SLC25A13: variants seen among roughly 807,000 people sequenced by gnomAD.
SLC25A13 encodes the protein electrogenic aspartate/glutamate antiporter SLC25A13, mitochondrial.
SLC25A13 carries 70 observed loss-of-function variants against 85.5 expected under a neutral mutation model. That is an observed-to-expected ratio of 0.82 (90% CI 0.68 to 1.00). The LOEUF is 1.00. Ranked by LOEUF, SLC25A13 falls within the 50% of genes least tolerant of loss-of-function variation. SLC25A13 has a pLI of 0.00. For synonymous variants in SLC25A13, 259 were observed against 288.7 expected (o/e 0.90, Z 1.04); for missense variants, 765 against 819.8 (o/e 0.93, Z 0.82).
At chr7:96,188,409 A>C (rs1200350209) in intron 9 of SLC25A13, among the ~76,000 whole-genome samples, 2 of 152,208 alleles carry the variant, frequency 1.3e-5, no homozygotes, top group Non-Finnish European at 2.9e-5. Context: ...AAGGTCTGAC[A>C]GTCCTAAAAG....
At chr7:96,265,341 A>G (rs1798009091) in intron 3 of SLC25A13, among the ~76,000 whole-genome samples, 2 of 152,212 alleles carry the variant, frequency 1.3e-5, no homozygotes, top group Non-Finnish European at 2.9e-5. Context: ...ACATTCATTA[A>G]CATCACCACC....
chr7:96,279,777 G>A (rs1236244881), intron 2 of SLC25A13, among the ~76,000 whole-genome samples: 1 of 152,092 alleles, frequency 6.6e-6, no homozygotes, highest in East Asian at 1.9e-4. Flanking sequence ...TTAAGTTTTA[G>A]TACATTAGTA....
At chr7:96,239,761 T>TA (rs1222467415) in intron 3 of SLC25A13, among the ~76,000 whole-genome samples, 2 of 152,234 alleles carry the variant, frequency 1.3e-5, no homozygotes, top group Non-Finnish European at 2.9e-5. Flanking sequence ...TTCATGGTTC[T>TA]GATGCTACTA....
At chr7:96,155,146 T>C (rs376997094) in intron 13 of SLC25A13, among the ~76,000 whole-genome samples, 1 of 152,124 alleles carries the variant, frequency 6.6e-6, no homozygotes, top group Non-Finnish European at 1.5e-5. Flanking sequence ...CTTTTTCTCT[T>C]TATTGAGAGT....
rs1468590679 is a variant in SLC25A13, at chr7:96,191,212, G to T, written c.651C>A (p.Phe217Leu). The change falls in exon 7 of 18, where the codon TTC becomes TTA. Residue 217 changes from phenylalanine (F) to leucine (L), a missense_variant. Coordinates refer to ENST00000265631, the MANE Select transcript of SLC25A13 (RefSeq NM_014251.3). ...GCGAATTAAATCCATTAAAATAGGA[G>T]AAACTAACTTGATGGGATGTGGTAC... ...AGGTTSHQVS[F>L]SYFNGFNSLL... The T allele has an allele frequency of 6.2e-7, 1 of 1,613,994 alleles. No homozygotes were observed. Among genetic ancestry groups the T allele is most frequent in the Admixed American group, 1.7e-5 (1 of 60,026 alleles).
At chr7:96,247,990 G>A (rs1310571186) in intron 3 of SLC25A13, among the ~76,000 whole-genome samples, 1 of 150,436 alleles carries the variant, frequency 6.6e-6, no homozygotes, top group African/African-American at 2.4e-5. Context: ...AGTAGCCGCT[G>A]TCTCAAATAC....
At chr7:96,282,553 G>A (rs1798729532) in intron 2 of SLC25A13, among the ~76,000 whole-genome samples, 1 of 152,164 alleles carries the variant, frequency 6.6e-6, no homozygotes, top group Non-Finnish European at 1.5e-5. Flanking sequence ...TTTGCATCTG[G>A]ATTGGGTATT....
chr7:96,225,484 G>A (rs1416387295), intron 4 of SLC25A13, among the ~76,000 whole-genome samples: 1 of 151,542 alleles, frequency 6.6e-6, no homozygotes, highest in Non-Finnish European at 1.5e-5. Context: ...TGTTGAGGCT[G>A]CAGTGAACCC....
chr7:96,291,789 G>A (rs1799129532), intron 2 of SLC25A13, among the ~76,000 whole-genome samples: 1 of 152,100 alleles, frequency 6.6e-6, no homozygotes, highest in Non-Finnish European at 1.5e-5. Context: ...ATAATTAATA[G>A]CCTACCAACC....
At position 96,244,434 on chromosome 7, in the gene SLC25A13, G is replaced by A. The variant is rs559727594; in HGVS notation, c.213-9517C>T. Reference sequence around the variant, plus strand: ...TTGTTTCTAATCTGATCTGAAAAGAGACAATGAGTGATTACCCAATCTTCT... The same window carrying A: ...TTGTTTCTAATCTGATCTGAAAAGAAACAATGAGTGATTACCCAATCTTCT... On this transcript the variant is annotated intron_variant, in intron 3 of 17. Coordinates refer to ENST00000265631, the MANE Select transcript of SLC25A13 (RefSeq NM_014251.3). 2.9e-4 allele frequency among the ~76,000 whole-genome samples: 44 copies of A among 152,316 alleles called. No homozygotes were observed. In the South Asian group the frequency reaches 8.9e-3, roughly 31 times the overall value.
chr7:96,182,589 C>A, intron 11 of SLC25A13, among the ~76,000 whole-genome samples: 1 of 152,194 alleles, frequency 6.6e-6, no homozygotes, highest in Admixed American at 6.5e-5. Context: ...GATAAAAGAA[C>A]TGAAACGGCA....
chr7:96,250,581 T>C (rs983478012), intron 3 of SLC25A13, among the ~76,000 whole-genome samples: 5 of 152,122 alleles, frequency 3.3e-5, no homozygotes, highest in African/African-American at 9.7e-5. Flanking sequence ...GAGAATCTAA[T>C]CCTATATATA....
At chr7:96,197,119 T>C (rs1489401246) in intron 5 of SLC25A13, among the ~76,000 whole-genome samples, 1 of 152,138 alleles carries the variant, frequency 6.6e-6, no homozygotes. Flanking sequence ...CTACCCATGC[T>C]CCTAATACTT....
At chr7:96,256,308 C>A (rs2116880821) in intron 3 of SLC25A13, among the ~76,000 whole-genome samples, 1 of 152,182 alleles carries the variant, frequency 6.6e-6, no homozygotes, top group East Asian at 1.9e-4. Flanking sequence ...CGTCGGTGTG[C>A]TATATTCAGG....
chr7:96,128,938 T>TGCTTGCTC (rs1491341244), intron 15 of SLC25A13, among the ~76,000 whole-genome samples: 934 of 31,352 alleles, frequency 0.03, 13 homozygotes, highest in African/African-American at 0.085. Flanking sequence ...CTGCCTTGCT[T>TGCTTGCTC]GCTCTCTCTC....
chr7:96,267,421 T>C (rs1322960028), intron 3 of SLC25A13, among the ~76,000 whole-genome samples: 1 of 152,232 alleles, frequency 6.6e-6, no homozygotes, highest in East Asian at 1.9e-4. Context: ...TTCTAAACTT[T>C]AGATTTCTTT....
intron 1 of SLC25A13, among the ~76,000 whole-genome samples, chr7:96,318,825 G>A (rs983558451): frequency 5.3e-5 from 8 of 152,222 alleles, no homozygotes; most frequent in Non-Finnish European, 8.8e-5. Flanking sequence ...TGTAGTGAGT[G>A]TTGGAATTCT....
chr7:96,209,057 G>C, intron 4 of SLC25A13, 80 bp from the exon 5 acceptor site: 1 of 1,388,324 alleles, frequency 7.2e-7, no homozygotes, highest in Non-Finnish European at 1.0e-6. Context: ...AATGGATATC[G>C]CTTTTTCTTA....
chr7:96,221,848 C>T (rs1485626674), intron 4 of SLC25A13, among the ~76,000 whole-genome samples: 1 of 152,158 alleles, frequency 6.6e-6, no homozygotes, highest in East Asian at 1.9e-4. Flanking sequence ...TTCCTGGACA[C>T]AATCTAAGTT....
Sources: allele counts gnomAD v4.1 joint callset (sites outside exome capture counted in the v4.1 genomes callset), GRCh38; gene constraint gnomAD v4.1.1; transcripts MANE v1.5; gene names NCBI Gene and HGNC (gene_info 2026-07-23, HGNC 2026-07-21).